SHROOM3: variants seen among roughly 807,000 people sequenced by gnomAD.
The protein encoded by SHROOM3 is protein Shroom3.
SHROOM3 carries 47 observed loss-of-function variants against 138.6 expected under a neutral mutation model. The ratio of observed to expected loss-of-function variants is 0.34; its 90% CI spans 0.27 to 0.43. The LOEUF (loss-of-function observed/expected upper bound fraction) is 0.43. Among genes scored for constraint, SHROOM3 ranks in the 20% least tolerant of loss-of-function variants. The pLI is 1.00. For missense variants in SHROOM3, 2,491 were observed against 2,596.5 expected, an observed-to-expected ratio of 0.96 and a Z score of 0.88; for synonymous variants, 1,062 against 1,063.3, an observed-to-expected ratio of 1.00 and a Z score of 0.02.
At chr4:76,686,950 G>C (rs1380228073) in intron 2 of SHROOM3, among the ~76,000 whole-genome samples, 1 of 152,162 alleles carries the variant, frequency 6.6e-6, no homozygotes, top group East Asian at 1.9e-4. Flanking sequence ...CTGTGCAGGT[G>C]GGTGCTGTGC....
intron 1 of SHROOM3, among the ~76,000 whole-genome samples, chr4:76,482,103 G>A (rs1242773663): frequency 6.6e-6 from 1 of 152,090 alleles, no homozygotes; most frequent in African/African-American, 2.4e-5. Flanking sequence ...ATAAGACAAG[G>A]ATACCCACTC....
At chr4:76,594,726 G>A (rs1197010074) in intron 2 of SHROOM3, among the ~76,000 whole-genome samples, 1 of 152,198 alleles carries the variant, frequency 6.6e-6, no homozygotes, top group Non-Finnish European at 1.5e-5. Context: ...GGAACCATTG[G>A]AACGCCATGA....
In SHROOM3 at chr4:76,693,370, G is replaced by GTTT. The variant is rs10648549; in HGVS notation, c.324-16765_324-16763dup. Among the ~76,000 whole-genome samples the GTTT allele has an allele frequency of 1.9e-3, 148 of 79,822 alleles. 9 individuals are homozygous for GTTT. Among genetic ancestry groups the GTTT allele is most frequent in the East Asian group, 5.5e-3 (13 of 2,378 alleles). The allele number at this position is 79,822 out of a possible 152,430, so 52.4% of individuals were successfully genotyped here. On this transcript the variant is annotated intron_variant, in intron 2 of 10. Transcript: ENST00000296043. ...TGCATACCTTCATTTTGATAAGTTT[G>GTTT]TTTTTTTTTTTTTTTTTTTTTTTAA... is the stretch of plus-strand genomic sequence containing the variant.
chr4:76,485,403 C>G (rs1055962518), intron 1 of SHROOM3, among the ~76,000 whole-genome samples: 2 of 152,178 alleles, frequency 1.3e-5, no homozygotes. Context: ...TTGCTTAGAA[C>G]ATTTTATTTT....
chr4:76,549,603 G>A (rs1733303872), intron 1 of SHROOM3, among the ~76,000 whole-genome samples: 1 of 152,142 alleles, frequency 6.6e-6, no homozygotes, highest in Non-Finnish European at 1.5e-5. Flanking sequence ...TCCTGACCTT[G>A]TGATCTGCCT....
At chr4:76,541,416 T>C (rs1289016979) in intron 1 of SHROOM3, among the ~76,000 whole-genome samples, 1 of 152,214 alleles carries the variant, frequency 6.6e-6, no homozygotes, top group East Asian at 1.9e-4. Context: ...TTGATCTGAA[T>C]GCAGCAGAAA....
intron 1 of SHROOM3, among the ~76,000 whole-genome samples, chr4:76,442,182 C>T (rs775495303): frequency 4.8e-4 from 73 of 152,284 alleles, no homozygotes; most frequent in Non-Finnish European, 8.7e-4. Context: ...TTACACATAG[C>T]AAATGCTTAA....
chr4:76,549,426 T>C (rs1216412908), intron 1 of SHROOM3, among the ~76,000 whole-genome samples: 1 of 151,954 alleles, frequency 6.6e-6, no homozygotes, highest in African/African-American at 2.4e-5. Context: ...TGGAGTGCAG[T>C]GGAGCGATCT....
chr4:76,451,316 A>G (rs1730921833), intron 1 of SHROOM3, among the ~76,000 whole-genome samples: 1 of 152,232 alleles, frequency 6.6e-6, no homozygotes, highest in African/African-American at 2.4e-5. Flanking sequence ...GCTCTAAAGC[A>G]TGTCACAGAG....
intron 1 of SHROOM3, among the ~76,000 whole-genome samples, chr4:76,441,267 G>C (rs919809590): frequency 2.6e-5 from 4 of 151,720 alleles, no homozygotes; most frequent in African/African-American, 4.8e-5. Context: ...CTAATTTTTT[G>C]TATTTTTAGT....
chr4:76,511,190 ATAAT>A (rs1732329822), intron 1 of SHROOM3, among the ~76,000 whole-genome samples: 1 of 151,704 alleles, frequency 6.6e-6, no homozygotes, highest in South Asian at 2.1e-4. Flanking sequence ...CTCAAAAATA[ATAAT>A]AATAATAATA....
At chr4:76,495,970 A>T (rs765060964) in intron 1 of SHROOM3, among the ~76,000 whole-genome samples, 1 of 152,192 alleles carries the variant, frequency 6.6e-6, no homozygotes, top group Non-Finnish European at 1.5e-5. Flanking sequence ...ATAGGAAGGA[A>T]TGACTAGTTT....
chr4:76,771,462 C>A (rs577620233), intron 10 of SHROOM3, among the ~76,000 whole-genome samples: 11 of 152,236 alleles, frequency 7.2e-5, no homozygotes, highest in African/African-American at 2.6e-4. Context: ...TTCTTTCCTC[C>A]CAACTGTCTT....
At chr4:76,463,756 G>C (rs28855227) in intron 1 of SHROOM3, among the ~76,000 whole-genome samples, 2,114 of 152,292 alleles carry the variant, frequency 0.014, 51 homozygotes, top group African/African-American at 0.048. Flanking sequence ...AGGCTAAATG[G>C]GGTCAGGGTA....
At position 76,664,847 on chromosome 4, in the gene SHROOM3, T is replaced by G. The variant is rs1039759183; in HGVS notation, c.324-45309T>G. 1.1e-4 allele frequency among the ~76,000 whole-genome samples: 17 copies of G among 152,144 alleles called. No individual in the cohort carries two copies. The highest frequency in any genetic ancestry group is 9.2e-4 in the Admixed American group (14 of 15,276). Reference sequence around the variant, plus strand: ...CTCTTCCACAGCCTCTGGTTGCGCCTTGGTTTTAAAGGCTTCCAGGTGGTC... The same window carrying G: ...CTCTTCCACAGCCTCTGGTTGCGCCGTGGTTTTAAAGGCTTCCAGGTGGTC... On this transcript the variant is annotated intron_variant, in intron 2 of 10. Coordinates refer to ENST00000296043, the MANE Select transcript of SHROOM3 (RefSeq NM_020859.4). This position sits in a 1 kb window ranked among gnomAD's most constrained non-coding sequence, Gnocchi z 4.2.
chr4:76,763,462 G>A (rs1450119516), intron 9 of SHROOM3, among the ~76,000 whole-genome samples: 2 of 152,260 alleles, frequency 1.3e-5, no homozygotes, highest in East Asian at 3.9e-4. Flanking sequence ...CTACTTGGGA[G>A]GCTGAGGTGG....
chr4:76,560,118 C>T (rs954267708), intron 2 of SHROOM3, among the ~76,000 whole-genome samples: 3 of 152,156 alleles, frequency 2.0e-5, no homozygotes, highest in Admixed American at 1.3e-4. Context: ...GACATGGACA[C>T]GAATGAGAAT....
intron 3 of SHROOM3, among the ~76,000 whole-genome samples, chr4:76,720,119 A>C (rs1228461781): frequency 6.7e-6 from 1 of 149,638 alleles, no homozygotes; most frequent in Non-Finnish European, 1.5e-5. Context: ...TAATGAGGGA[A>C]TTATGAAAAG....
intron 9 of SHROOM3, among the ~76,000 whole-genome samples, chr4:76,769,732 G>A (rs1489654590): frequency 6.6e-6 from 1 of 152,190 alleles, no homozygotes; most frequent in Non-Finnish European, 1.5e-5. Context: ...ACCTCACAAT[G>A]TCTTAGTTTC....
Sources: allele counts gnomAD v4.1 joint callset (sites outside exome capture counted in the v4.1 genomes callset), GRCh38; gene constraint gnomAD v4.1.1; non-coding constraint Gnocchi (gnomAD v3.1); transcripts MANE v1.5; gene names NCBI Gene and HGNC (gene_info 2026-07-23, HGNC 2026-07-21).